Variants in FMN2 observed in about 807,000 individuals in gnomAD.
FMN2 encodes the protein formin 2.
Under a neutral mutation model 142.3 loss-of-function variants are expected in FMN2, and 51 were observed. The ratio of observed to expected loss-of-function variants is 0.36; its 90% CI spans 0.29 to 0.45. FMN2 has a LOEUF of 0.45. FMN2 is among the 20% of genes least tolerant of loss of function. The pLI, the probability that FMN2 is intolerant of heterozygous loss-of-function variation, is 1.00. For synonymous variants in FMN2, 882 were observed against 869.8 expected (o/e 1.01, Z -0.25); for missense variants, 1,936 against 2,122.8 (o/e 0.91, Z 1.73).
chr1:240,180,090 T>C, intron 3 of FMN2: 1 of 874,108 alleles, frequency 1.1e-6, no homozygotes, highest in Non-Finnish European at 1.6e-6. Flanking sequence ...CTTCATGATT[T>C]GATGTAGCTT....
At chr1:240,336,324 A>G (rs763329898) in intron 13 of FMN2, among the ~76,000 whole-genome samples, 1 of 152,092 alleles carries the variant, frequency 6.6e-6, no homozygotes, top group African/African-American at 2.4e-5. Flanking sequence ...CAGAGTTTAA[A>G]GAGAGGATTT....
intron 1 of FMN2, among the ~76,000 whole-genome samples, chr1:240,109,617 T>C (rs1181314746): frequency 6.6e-6 from 1 of 152,170 alleles, no homozygotes; most frequent in East Asian, 1.9e-4. Context: ...GTCTTTAATA[T>C]TGTTTTGAAG....
chr1:240,125,887 T>C (rs1259426101), intron 2 of FMN2, among the ~76,000 whole-genome samples: 1 of 152,204 alleles, frequency 6.6e-6, no homozygotes, highest in African/African-American at 2.4e-5. Flanking sequence ...TCCCTTAATG[T>C]TGTGTGAAGG....
intron 14 of FMN2, among the ~76,000 whole-genome samples, chr1:240,373,830 C>G (rs1403158937): frequency 1.3e-5 from 2 of 152,204 alleles, no homozygotes; most frequent in African/African-American, 4.8e-5. Context: ...CAAGAATGTT[C>G]TTAATGGCAT....
chr1:240,467,564 C>A (rs765522862), intron 16 of FMN2, among the ~76,000 whole-genome samples: 7 of 152,250 alleles, frequency 4.6e-5, no homozygotes, highest in South Asian at 4.2e-4. Flanking sequence ...CCACACCAGG[C>A]CTTCCATTTC....
chr1:240,257,114 C>T (rs1668473566), intron 6 of FMN2, among the ~76,000 whole-genome samples: 2 of 152,116 alleles, frequency 1.3e-5, no homozygotes, highest in Admixed American at 1.3e-4. Flanking sequence ...AAATGCTGCC[C>T]CTCACACGAT....
intron 7 of FMN2, among the ~76,000 whole-genome samples, chr1:240,283,348 T>C (rs1426241954): frequency 2.0e-5 from 3 of 152,182 alleles, no homozygotes; most frequent in East Asian, 3.9e-4. Flanking sequence ...CTCATTACTA[T>C]TTAGAGGCTC....
intron 1 of FMN2, among the ~76,000 whole-genome samples, chr1:240,115,437 T>A (rs74149330): frequency 0.032 from 4,828 of 152,264 alleles, 244 homozygotes; most frequent in African/African-American, 0.11. Flanking sequence ...CTAGAATAGC[T>A]TTTATAAAGT....
chr1:240,426,392 G>A (rs115267611), intron 15 of FMN2, among the ~76,000 whole-genome samples: 99 of 152,174 alleles, frequency 6.5e-4, no homozygotes, highest in African/African-American at 2.3e-3. Flanking sequence ...AGTCTTTAAA[G>A]CAATATTCTA....
intron 8 of FMN2, among the ~76,000 whole-genome samples, chr1:240,322,093 C>CA (rs929128617): frequency 7.9e-5 from 12 of 152,018 alleles, no homozygotes; most frequent in Non-Finnish European, 1.5e-5. Context: ...AATCATGTCA[C>CA]AAAAAGCCGA....
intron 2 of FMN2, among the ~76,000 whole-genome samples, chr1:240,129,895 A>T (rs1662666597): frequency 6.6e-6 from 1 of 152,058 alleles, no homozygotes; most frequent in Non-Finnish European, 1.5e-5. Flanking sequence ...TCCTTCTAAT[A>T]TAATTAATAT....
At chr1:240,314,955 A>G (rs1670723788) in intron 8 of FMN2, among the ~76,000 whole-genome samples, 1 of 152,174 alleles carries the variant, frequency 6.6e-6, no homozygotes, top group Admixed American at 6.5e-5. Flanking sequence ...TTTAATAACT[A>G]TTCAGCTCTT....
At position 240,123,167 on chromosome 1, in the gene FMN2, T is replaced by G; in HGVS notation, c.1616-12T>G. Reference sequence around the variant, plus strand: ...GCAGTGCTCGCTCTTAATGACTGTGTTTCATCTGCAGGGCGAACGCTGTTG... The same window carrying G: ...GCAGTGCTCGCTCTTAATGACTGTGGTTCATCTGCAGGGCGAACGCTGTTG... On this transcript the variant is annotated splice_polypyrimidine_tract_variant and intron_variant, in intron 1 of 17. Transcript: ENST00000319653. 1 of 1,613,962 alleles carries G rather than the reference T, an allele frequency of 6.2e-7. No homozygotes were observed. Among genetic ancestry groups the G allele is most frequent in the Non-Finnish European group, 8.5e-7 (1 of 1,179,954 alleles).
intron 14 of FMN2, among the ~76,000 whole-genome samples, chr1:240,359,982 C>G (rs748851675): frequency 2.6e-5 from 4 of 152,106 alleles, no homozygotes; most frequent in African/African-American, 4.8e-5. Context: ...GTCTAGCAAC[C>G]CTTGTTAAGC....
intron 15 of FMN2, among the ~76,000 whole-genome samples, chr1:240,422,967 T>C (rs953935557): frequency 6.6e-6 from 1 of 152,186 alleles, no homozygotes; most frequent in Admixed American, 6.5e-5. Context: ...TTACCTTTTT[T>C]TCTAAGAGCA....
chr1:240,448,376 A>ATG (rs761962973), intron 16 of FMN2, among the ~76,000 whole-genome samples: 1 of 152,250 alleles, frequency 6.6e-6, no homozygotes, highest in South Asian at 2.1e-4. Context: ...ATGCATATAT[A>ATG]TGTGTGTGTG....
At chr1:240,347,830 A>G (rs1162658764) in intron 13 of FMN2, among the ~76,000 whole-genome samples, 18 of 152,150 alleles carry the variant, frequency 1.2e-4, no homozygotes. Context: ...ATTTAGGATA[A>G]TGGCCTCTAG....
intron 1 of FMN2, among the ~76,000 whole-genome samples, chr1:240,114,064 C>T (rs1661923175): frequency 6.6e-6 from 1 of 152,174 alleles, no homozygotes; most frequent in Non-Finnish European, 1.5e-5. Flanking sequence ...CATTACTCAG[C>T]TTCAGTAATC....
Position 240,385,625 on chromosome 1 carries a change from G to A in FMN2, c.4859-6886G>A, listed in dbSNP as rs114238373. On this transcript the variant is annotated intron_variant, in intron 14 of 17. Transcript: ENST00000319653. The stretch of plus-strand genomic sequence containing the variant: ...ACTGTACTGTCTAGCTCGTGGATGC[G>A]TATTATGTTTTCCCATGTCTTCTCT... Among the ~76,000 whole-genome samples the A allele has an allele frequency of 2.3e-3, 349 of 152,234 alleles. 1 individual carries two copies. Among genetic ancestry groups the A allele is most frequent in the African/African-American group, 7.9e-3 (328 of 41,548 alleles).
Sources: allele counts gnomAD v4.1 joint callset (sites outside exome capture counted in the v4.1 genomes callset), GRCh38; gene constraint gnomAD v4.1.1; transcripts MANE v1.5; gene names NCBI Gene and HGNC (gene_info 2026-07-23, HGNC 2026-07-21).